The following MCU variants were observed in gnomAD, a reference collection of about 807,000 sequenced individuals.
The protein encoded by MCU is mitochondrial calcium uniporter.
MCU carries 12 observed loss-of-function variants against 45.2 expected under a neutral mutation model. That is an observed-to-expected ratio of 0.27 (90% confidence interval 0.17 to 0.43). The LOEUF (loss-of-function observed/expected upper bound fraction) is 0.43. Among genes scored for constraint, MCU ranks in the 20% least tolerant of loss-of-function variants. The pLI is 1.00. For missense variants in MCU, 324 were observed against 436.7 expected (o/e 0.74, Z 2.30); for synonymous variants, 160 against 165.1 (o/e 0.97, Z 0.24).
chr10:72,699,011 C>T (rs1465666004), intron 1 of MCU, among the ~76,000 whole-genome samples: 4 of 152,070 alleles, frequency 2.6e-5, no homozygotes, highest in Non-Finnish European at 2.9e-5. Context: ...ACTATGTTGC[C>T]CATGTTGGTC....
intron 1 of MCU, among the ~76,000 whole-genome samples, chr10:72,718,010 A>G (rs1842975331): frequency 6.6e-6 from 1 of 152,230 alleles, no homozygotes; most frequent in Non-Finnish European, 1.5e-5. Flanking sequence ...ACAATTAACA[A>G]ACCAATCTTG....
chr10:72,728,652 T>C (rs1843131226), intron 1 of MCU, among the ~76,000 whole-genome samples: 1 of 152,090 alleles, frequency 6.6e-6, no homozygotes, highest in Non-Finnish European at 1.5e-5. Context: ...GGATAGCTAA[T>C]GTGGTGGGAG....
intron 1 of MCU, among the ~76,000 whole-genome samples, chr10:72,705,434 C>T (rs532741522): frequency 7.2e-5 from 11 of 152,224 alleles, no homozygotes; most frequent in African/African-American, 2.2e-4. Context: ...GTAATCCCAG[C>T]ACTTTGGGAG....
intron 1 of MCU, among the ~76,000 whole-genome samples, chr10:72,785,174 G>A (rs1844054404): frequency 6.6e-6 from 1 of 152,200 alleles, no homozygotes; most frequent in Admixed American, 6.5e-5. Flanking sequence ...GGTAGTGGTG[G>A]CTGCTCCAGC....
intron 2 of MCU, among the ~76,000 whole-genome samples, chr10:72,846,551 T>A (rs979946285): frequency 6.6e-6 from 1 of 152,208 alleles, no homozygotes; most frequent in Non-Finnish European, 1.5e-5. Flanking sequence ...GTAACCCTTA[T>A]TTTACTTAAT....
chr10:72,880,604 T>C (rs759898181), intron 6 of MCU, among the ~76,000 whole-genome samples: 1 of 152,036 alleles, frequency 6.6e-6, no homozygotes, highest in Non-Finnish European at 1.5e-5. Flanking sequence ...CCCAACAGAT[T>C]TGGGGATTGG....
At chr10:72,771,200 GC>G (rs916149260) in intron 1 of MCU, among the ~76,000 whole-genome samples, 1 of 151,834 alleles carries the variant, frequency 6.6e-6, no homozygotes, top group African/African-American at 2.4e-5. Flanking sequence ...CCCTCCCCTA[GC>G]CCCCTAATCC....
intron 1 of MCU, among the ~76,000 whole-genome samples, chr10:72,715,701 C>G (rs943449263): frequency 2.6e-4 from 39 of 152,178 alleles, no homozygotes; most frequent in Non-Finnish European, 5.0e-4. Flanking sequence ...TGAGGTTAAT[C>G]AGGTATGGGT....
intron 1 of MCU, among the ~76,000 whole-genome samples, chr10:72,749,598 T>C (rs1381576246): frequency 1.3e-5 from 2 of 152,142 alleles, no homozygotes; most frequent in African/African-American, 4.8e-5. Context: ...GTTAGGTTCT[T>C]AAAGGGGGTT....
At chr10:72,820,677 A>AT (rs1750627091) in intron 1 of MCU, among the ~76,000 whole-genome samples, 1 of 152,034 alleles carries the variant, frequency 6.6e-6, no homozygotes, top group East Asian at 1.9e-4. Flanking sequence ...TGCCCAGCTA[A>AT]TTTTTTGTAT....
chr10:72,818,791 A>G (rs1243430019), intron 1 of MCU, among the ~76,000 whole-genome samples: 1 of 151,782 alleles, frequency 6.6e-6, no homozygotes, highest in Admixed American at 6.6e-5. Context: ...CAGTGAGCCA[A>G]GATTGCACCA....
chr10:72,879,258 G>A (rs1044160118), intron 6 of MCU, among the ~76,000 whole-genome samples: 3 of 152,032 alleles, frequency 2.0e-5, no homozygotes, highest in African/African-American at 7.3e-5. Context: ...GCAAGACTCT[G>A]TATCAAAAAA....
chr10:72,785,939 T>C (rs762812672), intron 1 of MCU, among the ~76,000 whole-genome samples: 1 of 152,188 alleles, frequency 6.6e-6, no homozygotes, highest in African/African-American at 2.4e-5. Flanking sequence ...CTTTAGAGAT[T>C]CTAAAGAATA....
intron 1 of MCU, among the ~76,000 whole-genome samples, chr10:72,826,136 A>C (rs750790996): frequency 9.9e-5 from 15 of 152,168 alleles, no homozygotes; most frequent in South Asian, 2.1e-4. Context: ...TGACCTTGTT[A>C]AAATGCAGAT....
At position 72,868,818 on chromosome 10, in the gene MCU, T is replaced by C; in HGVS notation, c.612T>C (p.Ile204=). 1.2e-6 allele frequency: 2 copies of C among 1,614,154 alleles called. No individual in the cohort carries two copies. Among genetic ancestry groups the C allele is most frequent in the Non-Finnish European group, 1.7e-6 (2 of 1,180,024 alleles). Residue 204 remains isoleucine (I), a synonymous_variant, in exon 5 of 8, where the codon ATT becomes ATC. Coordinates refer to ENST00000373053, the MANE Select transcript of MCU (RefSeq NM_138357.3). ...AGTTAAACAAGGAAAGGGAGCTTAT[T>C]GAAAGACTAGAGGATCTCAAAGAGC... ...QHQLNKEREL[I]ERLEDLKEQL...
intron 1 of MCU, among the ~76,000 whole-genome samples, chr10:72,710,142 A>AT (rs983965140): frequency 6.6e-6 from 1 of 151,944 alleles, no homozygotes; most frequent in Non-Finnish European, 1.5e-5. Context: ...TGCCCGGCTA[A>AT]TTTTTTGTAC....
intron 1 of MCU, among the ~76,000 whole-genome samples, chr10:72,762,206 A>G (rs1843665787): frequency 6.6e-6 from 1 of 152,184 alleles, no homozygotes; most frequent in Non-Finnish European, 1.5e-5. Flanking sequence ...GTGAGATTGA[A>G]TCAGTAATTT....
intron 2 of MCU, among the ~76,000 whole-genome samples, chr10:72,848,337 G>A (rs1462399967): frequency 1.3e-5 from 2 of 152,118 alleles, no homozygotes; most frequent in African/African-American, 2.4e-5. Flanking sequence ...ATCCAAGATC[G>A]AGGAGTCCAT....
chr10:72,863,365 T>TCG (rs1327294928), intron 4 of MCU, among the ~76,000 whole-genome samples: 1 of 152,232 alleles, frequency 6.6e-6, no homozygotes, highest in Non-Finnish European at 1.5e-5. Flanking sequence ...TTAAATGTGT[T>TCG]CGCTGGGTAG....
Sources: allele counts gnomAD v4.1 joint callset (sites outside exome capture counted in the v4.1 genomes callset), GRCh38; gene constraint gnomAD v4.1.1; transcripts MANE v1.5; gene names NCBI Gene and HGNC (gene_info 2026-07-23, HGNC 2026-07-21).